The following CDKAL1 variants were observed in gnomAD, a reference collection of about 807,000 sequenced individuals.
The protein encoded by CDKAL1 is CDKAL1 threonylcarbamoyladenosine tRNA methylthiotransferase, also known as threonylcarbamoyladenosine tRNA methylthiotransferase.
Under a neutral mutation model 68.2 loss-of-function variants are expected in CDKAL1, and 32 were observed. The observed-to-expected ratio is 0.47, with a 90% confidence interval of 0.35 to 0.63. CDKAL1 has a LOEUF of 0.63. CDKAL1 is among the 30% of genes least tolerant of loss of function. The pLI, the probability that CDKAL1 is intolerant of heterozygous loss-of-function variation, is 0.00. For missense variants in CDKAL1, 606 were observed against 696.7 expected, an observed-to-expected ratio of 0.87 and a Z score of 1.47; for synonymous variants, 234 against 244.3, an observed-to-expected ratio of 0.96 and a Z score of 0.39.
intron 4 of CDKAL1, among the ~76,000 whole-genome samples, chr6:20,628,569 A>T (rs1275760147): frequency 6.6e-6 from 1 of 152,146 alleles, no homozygotes; most frequent in Admixed American, 6.5e-5. Flanking sequence ...TTCCTTTAAC[A>T]TAAACATTTT....
intron 10 of CDKAL1, among the ~76,000 whole-genome samples, chr6:20,982,888 C>G (rs1766233298): frequency 6.6e-6 from 1 of 152,136 alleles, no homozygotes; most frequent in Non-Finnish European, 1.5e-5. Context: ...AAGCTCAAGT[C>G]TTAAAAGTAA....
intron 9 of CDKAL1, among the ~76,000 whole-genome samples, chr6:20,855,959 G>A (rs1759312557): frequency 6.6e-6 from 1 of 152,158 alleles, no homozygotes; most frequent in South Asian, 2.1e-4. Context: ...ACAGACTTCT[G>A]TGTTCTCTAT....
intron 4 of CDKAL1, among the ~76,000 whole-genome samples, chr6:20,645,770 TTTTA>T (rs1768422476): frequency 1.7e-5 from 1 of 57,680 alleles, no homozygotes; most frequent in South Asian, 7.0e-4. Context: ...AAATAAATAA[TTTTA>T]TTTTATTTAT....
chr6:20,964,176 T>C (rs1346567358), intron 10 of CDKAL1, among the ~76,000 whole-genome samples: 1 of 151,986 alleles, frequency 6.6e-6, no homozygotes, highest in Non-Finnish European at 1.5e-5. Context: ...CTGGCGAGGG[T>C]ACGGAGAAAA....
At chr6:21,218,085 A>AG (rs1474874085) in intron 15 of CDKAL1, among the ~76,000 whole-genome samples, 1 of 152,244 alleles carries the variant, frequency 6.6e-6, no homozygotes, top group Non-Finnish European at 1.5e-5. Flanking sequence ...CCTTGTGGTT[A>AG]GAAAGGTTTT....
At chr6:21,053,698 CTT>C (rs763646345) in intron 11 of CDKAL1, among the ~76,000 whole-genome samples, 7 of 151,848 alleles carry the variant, frequency 4.6e-5, no homozygotes, top group Admixed American at 1.3e-4. Flanking sequence ...ATGGTTTTAA[CTT>C]TCATTTTTCT....
chr6:20,999,813 A>G (rs549383734), intron 10 of CDKAL1, among the ~76,000 whole-genome samples: 1 of 152,160 alleles, frequency 6.6e-6, no homozygotes, highest in South Asian at 2.1e-4. Flanking sequence ...TCTGTATTCC[A>G]GTATAGGGGA....
At chr6:21,134,150 G>C (rs189363906) in intron 13 of CDKAL1, among the ~76,000 whole-genome samples, 1 of 152,260 alleles carries the variant, frequency 6.6e-6, no homozygotes, top group East Asian at 1.9e-4. Context: ...AGAAAAAAAA[G>C]AGGGGCCAGC....
At chr6:21,222,144 G>A (rs569873568) in intron 15 of CDKAL1, among the ~76,000 whole-genome samples, 3 of 152,186 alleles carry the variant, frequency 2.0e-5, no homozygotes, top group Non-Finnish European at 4.4e-5. Context: ...TTACTCTGCT[G>A]TCACCAAAAT....
intron 5 of CDKAL1, among the ~76,000 whole-genome samples, chr6:20,677,091 G>A (rs930995470): frequency 6.6e-6 from 1 of 150,794 alleles, no homozygotes; most frequent in Non-Finnish European, 1.5e-5. Flanking sequence ...GTGTGTGTGT[G>A]ATAGAGTCTT....
chr6:21,199,729 C>T (rs1159001402), intron 14 of CDKAL1, among the ~76,000 whole-genome samples: 1 of 152,230 alleles, frequency 6.6e-6, no homozygotes, highest in African/African-American at 2.4e-5. Flanking sequence ...AGTACCAAAT[C>T]TCCCAGGGTT....
chr6:20,808,595 G>T (rs1220752203), intron 8 of CDKAL1, among the ~76,000 whole-genome samples: 1 of 151,980 alleles, frequency 6.6e-6, no homozygotes, highest in African/African-American at 2.4e-5. Context: ...ACAAAGATAA[G>T]TTAGTTGAAT....
chr6:21,141,570 C>G (rs1775910958), intron 13 of CDKAL1, among the ~76,000 whole-genome samples: 1 of 152,246 alleles, frequency 6.6e-6, no homozygotes, highest in Non-Finnish European at 1.5e-5. Flanking sequence ...ATGACATTGT[C>G]AGGCAGGAAT....
chr6:21,070,931 C>T (rs4382241), intron 12 of CDKAL1, among the ~76,000 whole-genome samples: 39,206 of 152,016 alleles, frequency 0.26, 5,563 homozygotes, highest in East Asian at 0.51. Context: ...GTTCAGTCAC[C>T]GTCTGCATCT....
intron 9 of CDKAL1, among the ~76,000 whole-genome samples, chr6:20,862,674 T>C (rs9368245): frequency 0.96 from 145,724 of 152,106 alleles, 69,816 homozygotes; most frequent in East Asian, 1. Context: ...CGCGCGTGCA[T>C]GCGCGCGTGC....
intron 5 of CDKAL1, among the ~76,000 whole-genome samples, chr6:20,672,293 TCTCTCC>T (rs61462265): frequency 0.13 from 18,504 of 147,100 alleles, 2,536 homozygotes; most frequent in African/African-American, 0.35. Flanking sequence ...TCTCTCTCTC[TCTCTCC>T]CTCTCCCTCT....
chr6:20,731,860 C>G (rs533518531), intron 5 of CDKAL1, among the ~76,000 whole-genome samples: 1 of 152,176 alleles, frequency 6.6e-6, no homozygotes, highest in Non-Finnish European at 1.5e-5. Context: ...CTCATCCATT[C>G]AGTTTGTCAT....
chr6:20,830,087 C>T (rs1031383945), intron 8 of CDKAL1, among the ~76,000 whole-genome samples: 47 of 152,246 alleles, frequency 3.1e-4, no homozygotes, highest in African/African-American at 1.0e-3. Flanking sequence ...AACTCCTGGC[C>T]TCAAGTAATC....
chr6:20,802,597 T>C (rs1330298759), intron 8 of CDKAL1, among the ~76,000 whole-genome samples: 1 of 152,126 alleles, frequency 6.6e-6, no homozygotes, highest in Non-Finnish European at 1.5e-5. Flanking sequence ...TAAGAACATA[T>C]ATATGTTCTT....
Sources: allele counts gnomAD v4.1 joint callset (sites outside exome capture counted in the v4.1 genomes callset), GRCh38; gene constraint gnomAD v4.1.1; transcripts MANE v1.5; gene names NCBI Gene and HGNC (gene_info 2026-07-23, HGNC 2026-07-21).